Variants in PLCXD1 observed in about 807,000 individuals in gnomAD.
PLCXD1 encodes the protein PI-PLC X domain-containing protein 1.
In PLCXD1, 45 loss-of-function variants were observed where a neutral mutation model predicts 37.8. The observed-to-expected ratio is 1.19, with a 90% CI of 0.94 to 1.53. The LOEUF is 1.53. Ranked by LOEUF, PLCXD1 falls within the 40% of genes most tolerant of loss-of-function variation. The probability of loss-of-function intolerance (pLI) is 0.00; values close to 1 mark genes in which losing one functional copy is unlikely to be tolerated. For missense variants in PLCXD1, 539 were observed against 454.7 expected (o/e 1.19, Z -1.69); for synonymous variants, 246 against 206.9 (o/e 1.19, Z -1.62).
At chrX:287,312 A>G (rs957743648) in intron 2 of PLCXD1, among the ~76,000 whole-genome samples, 13 of 143,140 alleles carry the variant, frequency 9.1e-5, no homozygotes, top group African/African-American at 3.0e-4. Flanking sequence ...ACATAAGTAC[A>G]TTTATATATT....
chrX:287,458 A>C (rs1230843006), intron 2 of PLCXD1, among the ~76,000 whole-genome samples: 2 of 129,296 alleles, frequency 1.5e-5, no homozygotes, highest in Non-Finnish European at 3.1e-5. Context: ...ATATGTTTAT[A>C]TATAGAATAT....
chrX:291,800 C>T lies in PLCXD1; in HGVS notation c.549+146C>T, dbSNP rs766738903. 5 of 909,376 alleles carry T rather than the reference C, an allele frequency of 5.5e-6. No homozygotes were observed. In the East Asian group the frequency reaches 9.7e-5, roughly 18 times the overall value. The allele number at this position is 909,376 out of a possible 1,614,324, so 56.3% of individuals were successfully genotyped here. A position where few individuals can be genotyped will look rare whatever the true frequency, so the allele number is the denominator to read the frequency against. On this transcript the variant is annotated intron_variant, in intron 5 of 6. Coordinates refer to ENST00000381657, the MANE Select transcript of PLCXD1 (RefSeq NM_018390.4). ...CGAACGGGGGCTGCCTGCTCTCCCGCAGTGTGGGGGGCCCTGGCTGACCCG... is the reference window on the plus strand; with the variant it reads ...CGAACGGGGGCTGCCTGCTCTCCCGTAGTGTGGGGGGCCCTGGCTGACCCG...
chrX:288,774 C>T lies in PLCXD1; in HGVS notation c.169C>T (p.Pro57Ser). ...TMTYCLNKKS[P>S]ISHEESRLLQ... ...GACGTACTGCCTGAACAAGAAGTCCCCCATTTCGCACGAGGAGTCCCGGCT... is the reference window on the plus strand; with the variant it reads ...GACGTACTGCCTGAACAAGAAGTCCTCCATTTCGCACGAGGAGTCCCGGCT... Residue 57 changes from proline (P) to serine (S), a missense_variant, in exon 3 of 7, where the codon CCC becomes TCC. Pro to Ser is a moderately conservative substitution (Grantham distance 74). Transcript: ENST00000381657. 2 of 1,613,844 alleles carry T rather than the reference C, an allele frequency of 1.2e-6. No homozygotes were observed. Among genetic ancestry groups the T allele is most frequent in the Non-Finnish European group, 1.7e-6 (2 of 1,179,738 alleles).
At chrX:287,685 TTATAGA>T (rs1472976130) in intron 2 of PLCXD1, among the ~76,000 whole-genome samples, 1 of 143,156 alleles carries the variant, frequency 7.0e-6, no homozygotes, top group Admixed American at 7.2e-5. Flanking sequence ...ATATCTTTGT[TTATAGA>T]TATAGATACT....
intron 3 of PLCXD1, 63 bp from the exon 4 acceptor site, chrX:290,585 A>G: frequency 6.3e-7 from 1 of 1,595,594 alleles, no homozygotes. Context: ...CCCACAGCCC[A>G]TTCCTGAGCC....
Position 291,496 on chromosome X carries a change from C to G in PLCXD1, c.394-3C>G. 6.2e-7 allele frequency: 1 copy of G among 1,612,368 alleles called. No homozygotes were observed. On this transcript the variant is annotated splice_region_variant and splice_polypyrimidine_tract_variant and intron_variant, in intron 4 of 6. Coordinates refer to ENST00000381657, the MANE Select transcript of PLCXD1 (RefSeq NM_018390.4). ...GGACTCAGCCCAGCACCCCCCTCCC[C>G]AGGACACACTCACGGAAATCTCGGA... is the stretch of plus-strand genomic sequence containing the variant.
chrX:276,829 CT>C (rs1451827345), upstream of PLCXD1, among the ~76,000 whole-genome samples: 1 of 152,134 alleles, frequency 6.6e-6, no homozygotes, highest in Non-Finnish European at 1.5e-5. Context: ...CTGAGCACCC[CT>C]GTCCTTCCGT....
chrX:280,379 AGGCCGTGCAGGGGGAAGGGAGGC>A (rs2069240613), upstream of PLCXD1, among the ~76,000 whole-genome samples: 1 of 29,054 alleles, frequency 3.4e-5, no homozygotes, highest in Non-Finnish European at 6.9e-5. Context: ...GGGGGAAGGG[AGGCCGTGCAGGGGGAAGGGAGGC>A]CGTGCAGGCA....
In PLCXD1 at chrX:301,637, T is replaced by A. The variant is rs916010251; in HGVS notation, c.*2302T>A. ...TATTTAGTAGTAGTAGGAGGAGTAT[T>A]ATGTTTGAGATGGAGTCTCGCTCTG... On this transcript the variant is annotated 3_prime_UTR_variant, in exon 7 of 7. Coordinates refer to ENST00000381657, the MANE Select transcript of PLCXD1 (RefSeq NM_018390.4). 6.6e-6 allele frequency: 1 copy of A among 152,126 alleles called. No homozygotes were observed. The highest frequency in any genetic ancestry group is 2.4e-5 in the African/African-American group (1 of 41,388). The allele number at this position is 152,126 out of a possible 1,614,324, so 9.4% of individuals were successfully genotyped here. A position where few individuals can be genotyped will look rare whatever the true frequency, so the allele number is the denominator to read the frequency against.
Position 296,935 on chromosome X carries a change from A to T in PLCXD1, c.734-2162A>T, listed in dbSNP as rs1331013649. Among the ~76,000 whole-genome samples the T allele has an allele frequency of 7.2e-5, 9 of 125,746 alleles. 1 individual carries two copies. The highest frequency in any genetic ancestry group is 3.3e-4 in the African/African-American group (9 of 27,522). The allele number at this position is 125,746 out of a possible 152,430, so 82.5% of individuals were successfully genotyped here. A position where few individuals can be genotyped will look rare whatever the true frequency, so the allele number is the denominator to read the frequency against. ...TTGGGGCCATTATTCTGTCTATCACATGGGGATTAGGACGTGGACATCTTT... is the reference window on the plus strand; with the variant it reads ...TTGGGGCCATTATTCTGTCTATCACTTGGGGATTAGGACGTGGACATCTTT... On this transcript the variant is annotated intron_variant, in intron 6 of 6. Coordinates refer to ENST00000381657, the MANE Select transcript of PLCXD1 (RefSeq NM_018390.4).
Position 299,247 on chromosome X carries a change from G to A in PLCXD1, c.884G>A (p.Cys295Tyr). Residue 295 changes from cysteine (C) to tyrosine (Y), a missense_variant, in exon 7 of 7, where the codon TGC becomes TAC. Transcript: ENST00000381657. ...CAGTGCCCGGGGCCGGGTTCACGGTGCACCAACATCATCGCGGGGGACTTC... is the reference window on the plus strand; with the variant it reads ...CAGTGCCCGGGGCCGGGTTCACGGTACACCAACATCATCGCGGGGGACTTC... Reference protein sequence around the residue: ...REQCPGPGSRCTNIIAGDFIG... With the variant: ...REQCPGPGSRYTNIIAGDFIG... 1.1e-5 allele frequency: 17 copies of A among 1,613,940 alleles called. No homozygotes were observed. Among genetic ancestry groups the A allele is most frequent in the Non-Finnish European group, 1.4e-5 (17 of 1,179,874 alleles).
chrX:278,804 G>A (rs775639027), upstream of PLCXD1, among the ~76,000 whole-genome samples: 1 of 152,142 alleles, frequency 6.6e-6, no homozygotes, highest in East Asian at 1.9e-4. Flanking sequence ...AGCCTCAGGA[G>A]GTCCTGACGA....
rs373435192 is a variant in PLCXD1 at position 293,267 on chromosome X, C to T, written c.733+49C>T. On this transcript the variant is annotated intron_variant, in intron 6 of 6. Coordinates refer to ENST00000381657, the MANE Select transcript of PLCXD1 (RefSeq NM_018390.4). ...GTAGATTCCACACAGCCTCCCGTGACGCCCTGCGGCAGGCCGGGTCCACAT... is the reference window on the plus strand; with the variant it reads ...GTAGATTCCACACAGCCTCCCGTGATGCCCTGCGGCAGGCCGGGTCCACAT... 154 of 1,459,232 alleles carry T rather than the reference C, an allele frequency of 1.1e-4. 2 individuals carry two copies. The highest frequency in any genetic ancestry group is 1.1e-4 in the Non-Finnish European group (112 of 1,056,068). The allele number at this position is 1,459,232 out of a possible 1,614,324, so 90.4% of individuals were successfully genotyped here.
intron 2 of PLCXD1, among the ~76,000 whole-genome samples, chrX:285,941 G>A (rs1390640415): frequency 6.6e-6 from 1 of 152,064 alleles, no homozygotes; most frequent in South Asian, 2.1e-4. Flanking sequence ...ATCAGGAGAG[G>A]GGGTGATGAT....
At chrX:296,562 G>T (rs1456554695) in intron 6 of PLCXD1, among the ~76,000 whole-genome samples, 1 of 152,194 alleles carries the variant, frequency 6.6e-6, no homozygotes, top group African/African-American at 2.4e-5. Context: ...TTCAAATATG[G>T]CTTGCAGGAG....
intron 2 of PLCXD1, among the ~76,000 whole-genome samples, chrX:287,388 AAT>A (rs1183065324): frequency 2.1e-5 from 3 of 143,640 alleles, no homozygotes; most frequent in African/African-American, 5.0e-5. Flanking sequence ...TTTATGCAAA[AAT>A]ATGTATTTAT....
At position 281,579 on chromosome X, in the gene PLCXD1, C is replaced by A. The variant is rs898062603; in HGVS notation, c.-127C>A. ...CGGGCAGCCGCCAGGAGCTGCAGAC[C>A]GAGAGGATCTCGTCCTTTCTTGCGG... On this transcript the variant is annotated 5_prime_UTR_variant, in exon 1 of 7. Coordinates refer to ENST00000381657, the MANE Select transcript of PLCXD1 (RefSeq NM_018390.4). 8 of 152,202 alleles carry A rather than the reference C, an allele frequency of 5.3e-5. No individual in the cohort carries two copies. The highest frequency in any genetic ancestry group is 1.7e-4 in the African/African-American group (7 of 41,424). The allele number at this position is 152,202 out of a possible 1,614,324, so 9.4% of individuals were successfully genotyped here. A position where few individuals can be genotyped will look rare whatever the true frequency, so the allele number is the denominator to read the frequency against.
At chrX:287,768 T>C (rs2069505150) in intron 2 of PLCXD1, among the ~76,000 whole-genome samples, 1 of 148,716 alleles carries the variant, frequency 6.7e-6, no homozygotes, top group Middle Eastern at 3.3e-3. Flanking sequence ...TATAGATATA[T>C]TTATATCTAT....
Position 302,053 on chromosome X carries a change from G to A in PLCXD1, c.*2718G>A, listed in dbSNP as rs2070032291. 1 of 152,306 alleles carries A rather than the reference G, an allele frequency of 6.6e-6. No individual in the cohort carries two copies. Among genetic ancestry groups the A allele is most frequent in the African/African-American group, 2.4e-5 (1 of 41,444 alleles). The allele number at this position is 152,306 out of a possible 1,614,324, so 9.4% of individuals were successfully genotyped here. On this transcript the variant is annotated 3_prime_UTR_variant, in exon 7 of 7. Coordinates refer to ENST00000381657, the MANE Select transcript of PLCXD1 (RefSeq NM_018390.4). ...CAATCCTCAGCCGTTCCCTAGTCCT[G>A]TTGCCCGGTTCTGCCGAAGCCCCTT... is the stretch of plus-strand genomic sequence containing the variant.
Sources: allele counts gnomAD v4.1 joint callset (sites outside exome capture counted in the v4.1 genomes callset), GRCh38; gene constraint gnomAD v4.1.1; transcripts MANE v1.5; gene names NCBI Gene and HGNC (gene_info 2026-07-23, HGNC 2026-07-21).